The following A2ML1 variants were observed in gnomAD, a reference collection of about 807,000 sequenced individuals.
A2ML1 encodes the protein alpha-2-macroglobulin like 1, also known as alpha-2-macroglobulin-like protein 1.
Under a neutral mutation model 181.9 loss-of-function variants are expected in A2ML1, and 161 were observed. The ratio of observed to expected loss-of-function variants is 0.89; its 90% CI spans 0.78 to 1.01. A2ML1 has a LOEUF of 1.01. Ranked by LOEUF, A2ML1 falls within the 50% of genes least tolerant of loss-of-function variation. A2ML1 has a pLI of 0.00. For missense variants in A2ML1, 1,670 were observed against 1,768.1 expected, an observed-to-expected ratio of 0.94 and a Z score of 1.00; for synonymous variants, 663 against 666.8, an observed-to-expected ratio of 0.99 and a Z score of 0.09.
chr12:8,838,635 G>A (rs7969000), intron 9 of A2ML1, among the ~76,000 whole-genome samples, 185 bp downstream of exon 9: 4 of 152,166 alleles, frequency 2.6e-5, no homozygotes, highest in East Asian at 3.9e-4. Context: ...ACTACGGGCC[G>A]GGCATGGTGG....
In A2ML1 at chr12:8,853,523, A is replaced by G. The variant is rs149248360; in HGVS notation, c.2591-605A>G. 5.6e-3 allele frequency among the ~76,000 whole-genome samples: 850 copies of G among 152,236 alleles called. 9 individuals carry two copies. Among genetic ancestry groups the G allele is most frequent in the African/African-American group, 0.019 (773 of 41,536 alleles). On this transcript the variant is annotated intron_variant, in intron 20 of 35. Transcript: ENST00000299698. Reference sequence around the variant, plus strand: ...GCTCAAGGTATCTCATGAGGTTGCAATCAAGCTGTCAGTCAGGACTCTGGT... The same window carrying G: ...GCTCAAGGTATCTCATGAGGTTGCAGTCAAGCTGTCAGTCAGGACTCTGGT...
chr12:8,838,934 A>AG (rs1468625984), intron 9 of A2ML1, among the ~76,000 whole-genome samples, 179 bp from the exon 10 acceptor site: 52 of 151,342 alleles, frequency 3.4e-4, no homozygotes, highest in Admixed American at 1.5e-3. Flanking sequence ...AAAAAAAAAA[A>AG]AAGAAGAAAT....
At chr12:8,856,596 G>A (rs1460931703) in intron 23 of A2ML1, among the ~76,000 whole-genome samples, 1 of 152,156 alleles carries the variant, frequency 6.6e-6, no homozygotes, top group Non-Finnish European at 1.5e-5. Flanking sequence ...GGTGAGGAAC[G>A]TACATGCAGT....
rs750999118 is a variant in A2ML1 at position 8,843,354 on chromosome 12, C to T, written c.1469C>T (p.Ser490Phe). The T allele has an allele frequency of 1.2e-6, 2 of 1,613,930 alleles. No individual in the cohort carries two copies. Among genetic ancestry groups the T allele is most frequent in the Non-Finnish European group, 1.7e-6 (2 of 1,179,858 alleles). The change falls in exon 12 of 36, where the codon TCC becomes TTC. Residue 490 changes from serine to phenylalanine, a missense_variant. Coordinates refer to ENST00000299698, the MANE Select transcript of A2ML1 (RefSeq NM_144670.6). The stretch of plus-strand genomic sequence containing the variant: ...AGCCCTGACCAAGAGATCAGCTTCT[C>T]CTACTATGTGAGACCGGGAAACGGG... ...DASPDQEISF[S>F]YYLIGKGSLV...
intron 20 of A2ML1, among the ~76,000 whole-genome samples, chr12:8,853,737 G>A (rs1389897009): frequency 6.6e-6 from 1 of 152,192 alleles, no homozygotes; most frequent in African/African-American, 2.4e-5. Flanking sequence ...GTCTTCCCCA[G>A]AGCAAGCAGT....
chr12:8,827,483 A>G (rs940417177), intron 3 of A2ML1, among the ~76,000 whole-genome samples: 5 of 152,164 alleles, frequency 3.3e-5, no homozygotes, highest in Non-Finnish European at 5.9e-5. Flanking sequence ...AATTTATCTG[A>G]TAAGATTCTG....
At chr12:8,871,084 A>G (rs60257637) in intron 33 of A2ML1, among the ~76,000 whole-genome samples, 4,235 of 152,206 alleles carry the variant, frequency 0.028, 179 homozygotes, top group African/African-American at 0.096. Context: ...CTCTCCCACA[A>G]TCTCAGACAA....
intron 10 of A2ML1, 37 bp from the exon 11 acceptor site, chr12:8,841,332 A>G (rs1164341356): frequency 5.6e-6 from 9 of 1,596,378 alleles, no homozygotes; most frequent in Non-Finnish European, 7.7e-6. Flanking sequence ...GCTTACTCCA[A>G]ACCTAATTCT....
At chr12:8,884,903 T>A (rs1168117172) in intron 7 of A2ML1, among the ~76,000 whole-genome samples, 1 of 152,254 alleles carries the variant, frequency 6.6e-6, no homozygotes, top group Non-Finnish European at 1.5e-5. Context: ...TGTACCACAT[T>A]TTCTTTATCC....
chr12:8,834,883 A>G, intron 5 of A2ML1: 1 of 600,500 alleles, frequency 1.7e-6, no homozygotes, highest in Non-Finnish European at 2.9e-6. Flanking sequence ...CCTACATTTC[A>G]GTAGACAAGG....
chr12:8,845,849 C>CAA (rs1231550807), intron 13 of A2ML1, among the ~76,000 whole-genome samples: 1 of 55,514 alleles, frequency 1.8e-5, no homozygotes, highest in Non-Finnish European at 3.5e-5. Context: ...GACTCCGTCT[C>CAA]AAAAAAAAAA....
chr12:8,860,277 C>G (rs947090417), intron 26 of A2ML1, among the ~76,000 whole-genome samples: 2 of 152,086 alleles, frequency 1.3e-5, no homozygotes, highest in East Asian at 3.9e-4. Flanking sequence ...CTCCTGAGCT[C>G]AAGCGATCCT....
intron 3 of A2ML1, among the ~76,000 whole-genome samples, chr12:8,827,430 C>T (rs1176231956): frequency 3.9e-5 from 6 of 152,194 alleles, no homozygotes; most frequent in Admixed American, 6.5e-5. Flanking sequence ...TCTCTCTCAA[C>T]CTCCTCTTTA....
chr12:8,838,356 C>T lies in A2ML1; in HGVS notation c.876C>T (p.Phe292=), dbSNP rs1943354610. Residue 292 remains phenylalanine, a synonymous_variant, in exon 9 of 36, where the codon TTC becomes TTT. Coordinates refer to ENST00000299698, the MANE Select transcript of A2ML1 (RefSeq NM_144670.6). ...ACTAGACTGACAAAACAGGATGTTT[C>T]TCAGCACCTGTGGACATGGCCACCT... ...LSGQTDKTGC[F]SAPVDMATFD... is the part of the protein sequence containing the mutation. 1 of 1,613,466 alleles carries T rather than the reference C, an allele frequency of 6.2e-7. No individual in the cohort carries two copies. The highest frequency in any genetic ancestry group is 2.2e-5 in the East Asian group (1 of 44,862).
intron 30 of A2ML1, 85 bp downstream of exon 30, chr12:8,868,142 T>C: frequency 6.2e-7 from 1 of 1,609,752 alleles, no homozygotes. Flanking sequence ...TCTCTCTTTC[T>C]TTCTCACTTG....
At chr12:8,829,895 G>A in intron 4 of A2ML1, 116 bp downstream of exon 4, 1 of 1,274,752 alleles carries the variant, frequency 7.8e-7, no homozygotes, top group East Asian at 2.4e-5. Context: ...CTCTGGGTTG[G>A]AGACTGCTGT....
At chr12:8,881,806 T>G (rs1361073587) in intron 7 of A2ML1, among the ~76,000 whole-genome samples, 1 of 151,694 alleles carries the variant, frequency 6.6e-6, no homozygotes, top group African/African-American at 2.4e-5. Flanking sequence ...GGTCAGGAGA[T>G]CGAGACCATC....
chr12:8,857,623 C>T lies in A2ML1; in HGVS notation c.3107+35C>T, dbSNP rs949572506. On this transcript the variant is annotated intron_variant, in intron 25 of 35. Coordinates refer to ENST00000299698, the MANE Select transcript of A2ML1 (RefSeq NM_144670.6). ...CCCAATTCCCAATGAGTTCTGTACTCCAGAGCATAATTCCTGAGCCCTCTG... is the reference window on the plus strand; with the variant it reads ...CCCAATTCCCAATGAGTTCTGTACTTCAGAGCATAATTCCTGAGCCCTCTG... The T allele has an allele frequency of 1.9e-5, 31 of 1,590,040 alleles. 1 individual carries two copies. The Admixed American group carries it at 3.2e-4, about 16-fold the overall frequency.
chr12:8,884,610 C>T (rs1944904123), intron 7 of A2ML1, among the ~76,000 whole-genome samples: 1 of 152,200 alleles, frequency 6.6e-6, no homozygotes, highest in African/African-American at 2.4e-5. Context: ...GATCTTGGCT[C>T]ACTGCAACCT....
Sources: gnomAD v4.1 joint callset for allele counts (sites outside exome capture counted in the v4.1 genomes callset) on GRCh38, gnomAD v4.1.1 for gene constraint, MANE v1.5 for transcripts, NCBI Gene and HGNC (gene_info 2026-07-23, HGNC 2026-07-21) for gene names.